The following TNK2 variants were observed in gnomAD, a reference collection of about 807,000 sequenced individuals.
The protein encoded by TNK2 is activated CDC42 kinase 1.
In TNK2, 83 loss-of-function variants were observed where a neutral mutation model predicts 101.8. That is an observed-to-expected ratio of 0.82 (90% CI 0.68 to 0.98). TNK2 has a LOEUF of 0.98. Among genes scored for constraint, TNK2 ranks in the 50% least tolerant of loss-of-function variants. The pLI, the probability that TNK2 is intolerant of heterozygous loss-of-function variation, is 0.00. For missense variants in TNK2, 1,665 were observed against 1,483.2 expected (o/e 1.12, Z -2.01); for synonymous variants, 804 against 633.0 (o/e 1.27, Z -4.06).
chr3:195,873,514 G>C (rs896524867), intron 9 of TNK2, among the ~76,000 whole-genome samples: 1 of 151,656 alleles, frequency 6.6e-6, no homozygotes, highest in Admixed American at 6.6e-5. Context: ...GGCGGTGACA[G>C]CCCCGTGGGC....
At position 195,868,189 on chromosome 3, in the gene TNK2, G is replaced by A. The variant is rs754298534; in HGVS notation, c.2109C>T (p.Phe703=). ...RPPPPLEDNL[F]LPPQGGGKPP... ...GCTTGCCCCCACCCTGGGGCGGGAG[G>A]AACAGGTTGTCCTCCAGGGGAGGGG... Residue 703 remains phenylalanine, a synonymous_variant, in exon 13 of 16, where the codon TTC becomes TTT. Transcript: ENST00000672887. 18 of 1,609,388 alleles carry A rather than the reference G, an allele frequency of 1.1e-5. No individual in the cohort carries two copies. The highest frequency in any genetic ancestry group is 2.2e-5 in the East Asian group (1 of 44,818).
intron 1 of TNK2, among the ~76,000 whole-genome samples, chr3:195,891,469 T>C (rs933503593): frequency 1.3e-5 from 2 of 152,358 alleles, no homozygotes; most frequent in Admixed American, 1.3e-4. Context: ...GTTCTAAGTA[T>C]TAAGCTGTAT....
At chr3:195,870,015 C>T in intron 11 of TNK2, 99 bp downstream of exon 11, 1 of 1,000,440 alleles carries the variant, frequency 1.0e-6, no homozygotes, top group Non-Finnish European at 1.4e-6. Context: ...CCCACTGTCC[C>T]CAAAAACAGA....
chr3:195,871,614 C>G (rs1745376062), intron 10 of TNK2, among the ~76,000 whole-genome samples: 1 of 152,150 alleles, frequency 6.6e-6, no homozygotes, highest in Admixed American at 6.5e-5. Context: ...CTCCCAAGTT[C>G]ATTTTCCTAA....
intron 1 of TNK2, chr3:195,895,550 T>G: frequency 4.5e-6 from 6 of 1,321,416 alleles, no homozygotes; most frequent in Non-Finnish European, 3.8e-6. Context: ...CCCAGCTCCG[T>G]TCCTCCTCTC....
In TNK2 at chr3:195,888,758, C is replaced by CT; in HGVS notation, c.-18-153dup. The CT allele has an allele frequency of 1.4e-6, 1 of 732,316 alleles. No individual in the cohort carries two copies. The highest frequency in any genetic ancestry group is 1.9e-5 in the South Asian group (1 of 52,166). 45.4% of individuals were successfully genotyped at this position (732,316 alleles called of 1,614,324 possible). ...CCCGAGGGAAGCTACCGAGAACCGCCTGGACCCACGTCCCCTATTCCTGCC... is the reference window on the plus strand; with the variant it reads ...CCCGAGGGAAGCTACCGAGAACCGCCTTGGACCCACGTCCCCTATTCCTGCC... On this transcript the variant is annotated intron_variant, in intron 1 of 15. Transcript: ENST00000672887. This position sits in a 1 kb window ranked among gnomAD's most constrained non-coding sequence, Gnocchi z 5.3.
At chr3:195,874,155 C>T (rs1747471048) in intron 9 of TNK2, among the ~76,000 whole-genome samples, 1 of 152,198 alleles carries the variant, frequency 6.6e-6, no homozygotes, top group African/African-American at 2.4e-5. Context: ...GGCCAGACGC[C>T]GGACTCTGCT....
chr3:195,883,553 CTT>C (rs1490330085), intron 4 of TNK2: 4 of 504,030 alleles, frequency 7.9e-6, no homozygotes, highest in Non-Finnish European at 1.4e-5. Context: ...GAATGCCGGG[CTT>C]AAATACCAAC....
chr3:195,878,726 T>C lies in TNK2; in HGVS notation c.1015-134A>G. ...CCTCCAAAGAAGGGATCTGCCTGCC[T>C]GGGAGGGGCCCTCTCCAGAGCCCCA... On this transcript the variant is annotated intron_variant, in intron 7 of 15. Coordinates refer to ENST00000672887, the MANE Select transcript of TNK2 (RefSeq NM_001382273.1). The surrounding 1 kb of genome is among the most constrained non-coding windows in gnomAD (Gnocchi z 4.7). 2.2e-6 allele frequency: 3 copies of C among 1,347,350 alleles called. No homozygotes were observed. In the South Asian group the frequency reaches 4.3e-5, roughly 19 times the overall value. The allele number at this position is 1,347,350 out of a possible 1,614,324, so 83.5% of individuals were successfully genotyped here. A position where few individuals can be genotyped will look rare whatever the true frequency, so the allele number is the denominator to read the frequency against.
In TNK2 at chr3:195,867,839, G is replaced by A. The variant is rs1478395728; in HGVS notation, c.2459C>T (p.Pro820Leu). 6.5e-7 allele frequency: 1 copy of A among 1,536,378 alleles called. No individual in the cohort carries two copies. Residue 820 changes from proline to leucine, a missense_variant, in exon 13 of 16, where the codon CCC becomes CTC. By Grantham distance (98) the Pro-to-Leu change is moderately conservative. Around this residue, in one of 3 missense-constraint regions of TNK2, gnomAD observed 1,136 missense variants for 894.9 expected, o/e 1.27. Coordinates refer to ENST00000672887, the MANE Select transcript of TNK2 (RefSeq NM_001382273.1). ...LVPPGSSPLP[P>L]RLSSSPGKTM... ...CTTCCCAGGTGAGCTTGAGAGCCGG[G>A]GTGGCAGCGGGGAGCTGCCAGGTGG...
intron 1 of TNK2, 37 bp downstream of exon 1, chr3:195,908,448 C>G (rs904904914): frequency 1.3e-5 from 2 of 152,634 alleles, no homozygotes; most frequent in Non-Finnish European, 2.9e-5. Flanking sequence ...CACTTCCAAG[C>G]ACACCAACTC....
intron 2 of TNK2, among the ~76,000 whole-genome samples, chr3:195,887,400 C>A (rs1484364805): frequency 6.6e-6 from 1 of 152,208 alleles, no homozygotes; most frequent in African/African-American, 2.4e-5. Flanking sequence ...ACTATCCAGG[C>A]CTAAAGTAGC....
At position 195,888,372 on chromosome 3, in the gene TNK2, A is replaced by G; in HGVS notation, c.163+54T>C. 6.3e-7 allele frequency: 1 copy of G among 1,581,356 alleles called. No individual in the cohort carries two copies. The highest frequency in any genetic ancestry group is 8.6e-7 in the Non-Finnish European group (1 of 1,158,402). On this transcript the variant is annotated intron_variant, in intron 2 of 15. Coordinates refer to ENST00000672887, the MANE Select transcript of TNK2 (RefSeq NM_001382273.1). The surrounding 1 kb of genome is among the most constrained non-coding windows in gnomAD (Gnocchi z 5.3). ...ACCCGTGCACCGAGTGGTCCTGAGG[A>G]CAGAGGACGGAAAGGGTCAGGGGCA...
Position 195,868,622 on chromosome 3 carries a change from C to T in TNK2, c.1676G>A (p.Arg559Gln), listed in dbSNP as rs561269464. 116 of 1,590,428 alleles carry T rather than the reference C, an allele frequency of 7.3e-5. No individual in the cohort carries two copies. The highest frequency in any genetic ancestry group is 4.3e-4 in the East Asian group (19 of 44,334). Reference protein sequence around the residue: ...RLGLRKPGLPRGLWLAKPSAR... With the variant: ...RLGLRKPGLPQGLWLAKPSAR... ...CGAGGGCTTCGCCAGCCACAGCCCT[C>T]GGGGCAGGCCTGGCTTCCGCAGGCC... The change falls in exon 13 of 16, where the codon CGA becomes CAA. Residue 559 changes from arginine to glutamine, a missense_variant. Arg to Gln is a conservative substitution (Grantham distance 43). Around this residue, in one of 3 missense-constraint regions of TNK2, gnomAD observed 1,136 missense variants for 894.9 expected, o/e 1.27. Transcript: ENST00000672887.
Position 195,868,072 on chromosome 3 carries a change from G to A in TNK2, c.2226C>T (p.Pro742=), listed in dbSNP as rs749712285. 55 of 1,607,406 alleles carry A rather than the reference G, an allele frequency of 3.4e-5. No individual in the cohort carries two copies. The highest frequency in any genetic ancestry group is 4.6e-5 in the Non-Finnish European group (54 of 1,178,426). Residue 742 remains proline (P), a synonymous_variant, in exon 13 of 16, where the codon CCC becomes CCT. Transcript: ENST00000672887. ...TGTCGTCACCCCCCGGGCTGGGAGA[G>A]GGGGCCGGGGAGCCGGCCGGAGCCT... ...QLQAPAGSPA[P]SPSPGGDDKP... is the part of the protein sequence containing the mutation.
At chr3:195,869,690 G>C in intron 11 of TNK2, 149 bp from the exon 12 acceptor site, 1 of 816,392 alleles carries the variant, frequency 1.2e-6, no homozygotes, top group South Asian at 1.6e-5. Flanking sequence ...CCCAGCAAAC[G>C]GGAGGCCGCA....
rs377400434 is a variant in TNK2, at chr3:195,872,458, G to A, written c.1269C>T (p.Tyr423=). The stretch of plus-strand genomic sequence containing the variant: ...TCCGTGTGTTCTGGCCACGCCACCA[G>A]TAGTTCTCGGCCCTGCGCGACAGAG... The part of the protein sequence containing the change: ...ITVIEGRAEN[Y]WWRGQNTRTL... Residue 423 remains tyrosine, a synonymous_variant, in exon 10 of 16, where the codon TAC becomes TAT. Transcript: ENST00000672887. 10 of 1,597,642 alleles carry A rather than the reference G, an allele frequency of 6.3e-6. No homozygotes were observed. In the East Asian group the frequency reaches 1.8e-4, roughly 29 times the overall value.
At chr3:195,872,207 CG>C (rs1745952719) in intron 10 of TNK2, 68 bp downstream of exon 10, 1 of 1,554,272 alleles carries the variant, frequency 6.4e-7, no homozygotes, top group Non-Finnish European at 8.8e-7. Context: ...TCCGCCCACG[CG>C]TGCCGTGCTG....
rs766575837 is a variant in TNK2 at position 195,867,169 on chromosome 3, C to T, written c.3033G>A (p.Lys1011=). Residue 1011 remains lysine, a splice_region_variant and synonymous_variant, in exon 14 of 16, where the codon AAG becomes AAA. Transcript: ENST00000672887. ...WSVQRAAQYL[K]VEQLFGLGLR... Reference sequence around the variant, plus strand: ...CAGAGTGAGCAGGAGGTGGCGGTACCTTCAGATACTGGGCAGCCCTCTGCA... The same window carrying T: ...CAGAGTGAGCAGGAGGTGGCGGTACTTTCAGATACTGGGCAGCCCTCTGCA... The T allele has an allele frequency of 1.2e-5, 19 of 1,612,632 alleles. No individual in the cohort carries two copies. The Admixed American group carries it at 3.2e-4, about 27-fold the overall frequency.
Sources: gnomAD v4.1 joint callset for allele counts (sites outside exome capture counted in the v4.1 genomes callset) on GRCh38, gnomAD v4.1.1 for gene constraint, gnomAD v4.1.1 regional missense constraint, Gnocchi (gnomAD v3.1) non-coding constraint, MANE v1.5 for transcripts, NCBI Gene and HGNC (gene_info 2026-07-23, HGNC 2026-07-21) for gene names.